Variants in HEG1 observed in about 807,000 individuals in gnomAD.
HEG1 encodes heart development protein with EGF like domains 1.
HEG1 carries 56 observed loss-of-function variants against 125.6 expected under a neutral mutation model. That is an observed-to-expected ratio of 0.45 (90% CI 0.36 to 0.56). The LOEUF is 0.56. Ranked by LOEUF, HEG1 falls within the 20% of genes least tolerant of loss-of-function variation. The probability of loss-of-function intolerance (pLI) is 0.00; values close to 1 mark genes in which losing one functional copy is unlikely to be tolerated. For missense variants in HEG1, 1,523 were observed against 1,670.0 expected (o/e 0.91, Z 1.53); for synonymous variants, 644 against 668.5 (o/e 0.96, Z 0.57).
intron 1 of HEG1, among the ~76,000 whole-genome samples, chr3:125,035,947 G>A (rs988879079): frequency 2.0e-5 from 3 of 152,038 alleles, no homozygotes; most frequent in African/African-American, 4.8e-5. Flanking sequence ...ATAGAGGCCT[G>A]GCATGGTGGC....
intron 3 of HEG1, among the ~76,000 whole-genome samples, chr3:125,021,387 C>A (rs187819115): frequency 6.6e-6 from 1 of 151,892 alleles, no homozygotes; most frequent in Non-Finnish European, 1.5e-5. Flanking sequence ...GAAGCTTATA[C>A]GTTGTTTGCA....
chr3:125,003,838 C>G (rs1425286008), intron 9 of HEG1, among the ~76,000 whole-genome samples: 1 of 152,252 alleles, frequency 6.6e-6, no homozygotes, highest in Non-Finnish European at 1.5e-5. Flanking sequence ...CCCGGACTCT[C>G]TGCCCCGTGC....
chr3:125,001,920 C>T lies in HEG1; in HGVS notation c.3449G>A (p.Cys1150Tyr), dbSNP rs775503377. 1 of 1,613,886 alleles carries T rather than the reference C, an allele frequency of 6.2e-7. No individual in the cohort carries two copies. Among genetic ancestry groups the T allele is most frequent in the South Asian group, 1.1e-5 (1 of 91,004 alleles). Residue 1150 changes from cysteine (C) to tyrosine (Y), a missense_variant, in exon 11 of 17, where the codon TGT becomes TAT. Coordinates refer to ENST00000311127, the MANE Select transcript of HEG1 (RefSeq NM_020733.2). ...AGCAGAGGACTTGCAGGAGTTGACACATTTCTGCATCCTATCAGCCAGGTC... is the reference window on the plus strand; with the variant it reads ...AGCAGAGGACTTGCAGGAGTTGACATATTTCTGCATCCTATCAGCCAGGTC... ...LFDLADRMQK[C>Y]VNSCKSSAEV...
intron 3 of HEG1, among the ~76,000 whole-genome samples, chr3:125,026,954 C>T (rs188628929): frequency 3.3e-5 from 5 of 152,220 alleles, no homozygotes; most frequent in South Asian, 4.2e-4. Context: ...GAGCTGAGAT[C>T]GCGTCACTGT....
Position 124,969,591 on chromosome 3 carries a change from C to T in HEG1, c.*1061G>A, listed in dbSNP as rs999345104. The T allele has an allele frequency of 1.3e-5, 2 of 152,224 alleles. No individual in the cohort carries two copies. Among genetic ancestry groups the T allele is most frequent in the African/African-American group, 2.4e-5 (1 of 41,446 alleles). 9.4% of individuals were successfully genotyped at this position (152,224 alleles called of 1,614,324 possible). A position where few individuals can be genotyped will look rare whatever the true frequency, so the allele number is the denominator to read the frequency against. Reference sequence around the variant, plus strand: ...AGCAAACTCATGTGTGGCTCCATCTCGGCTCCCTGTTCTTCCTCAGGAATC... The same window carrying T: ...AGCAAACTCATGTGTGGCTCCATCTTGGCTCCCTGTTCTTCCTCAGGAATC... On this transcript the variant is annotated 3_prime_UTR_variant, in exon 17 of 17. Transcript: ENST00000311127.
At position 124,966,636 on chromosome 3, in the gene HEG1, A is replaced by G. The variant is rs1184730376; in HGVS notation, c.*4016T>C. On this transcript the variant is annotated 3_prime_UTR_variant, in exon 17 of 17. Transcript: ENST00000311127. ...GGTAATTTCAAGTAAAATACAAAGT[A>G]TTGAAATACTGAACTTTGCATTCTT... The G allele has an allele frequency of 6.6e-6, 1 of 152,232 alleles. No homozygotes were observed. Among genetic ancestry groups the G allele is most frequent in the Non-Finnish European group, 1.5e-5 (1 of 68,034 alleles). The allele number at this position is 152,232 out of a possible 1,614,324, so 9.4% of individuals were successfully genotyped here. A position where few individuals can be genotyped will look rare whatever the true frequency, so the allele number is the denominator to read the frequency against.
Position 125,027,425 on chromosome 3 carries a change from G to A in HEG1, c.693C>T (p.Ala231=). Residue 231 remains alanine (A), a synonymous_variant, in exon 3 of 17, where the codon GCC becomes GCT. Transcript: ENST00000311127. ...IAAFQTKSGT[A]SEMGTERAMG... is the part of the protein sequence containing the mutation. ...TCGCCCTCTCTGTTCCCATCTCCGA[G>A]GCTGTTCCACTCTTTGTTTGAAAAG... The A allele has an allele frequency of 6.2e-7, 1 of 1,613,992 alleles. No homozygotes were observed. Among genetic ancestry groups the A allele is most frequent in the Non-Finnish European group, 8.5e-7 (1 of 1,179,884 alleles).
rs751775083 is a variant in HEG1, at chr3:124,970,771, G to A, written c.4027C>T (p.Arg1343Ter). 6.2e-6 allele frequency: 10 copies of A among 1,609,960 alleles called. No homozygotes were observed. Among genetic ancestry groups the A allele is most frequent in the Admixed American group, 1.7e-5 (1 of 59,482 alleles). Residue 1343 changes from arginine to a stop codon, truncating the protein, a stop_gained, in exon 17 of 17, where the codon CGA (arginine) becomes TGA (stop). Coordinates refer to ENST00000311127, the MANE Select transcript of HEG1 (RefSeq NM_020733.2). LOFTEE classifies it high-confidence loss of function. ...GTGTAGGCCGGGTAGAGTCCGTTTC[G>A]TTCAAGTTCTGGATTCCTTACACTT... Reference protein sequence around the residue: ...PTSVRNPELERNGLYPAYTGL... With the variant: ...PTSVRNPELE
chr3:125,025,942 A>ATT (rs1937408401), intron 3 of HEG1, among the ~76,000 whole-genome samples: 1 of 152,236 alleles, frequency 6.6e-6, no homozygotes, highest in South Asian at 2.1e-4. Flanking sequence ...GGCACTCCAG[A>ATT]AGGGACTCCT....
chr3:125,000,788 G>C (rs1362888667), intron 11 of HEG1, among the ~76,000 whole-genome samples: 4 of 152,160 alleles, frequency 2.6e-5, no homozygotes, highest in African/African-American at 9.7e-5. Context: ...TCTACCAGCA[G>C]ACTGTTACAA....
chr3:125,029,268 T>A lies in HEG1; in HGVS notation c.537A>T (p.Thr179=). The A allele has an allele frequency of 6.2e-7, 1 of 1,613,776 alleles. No homozygotes were observed. Among genetic ancestry groups the A allele is most frequent in the Middle Eastern group, 1.7e-4 (1 of 6,042 alleles). Residue 179 remains threonine, a synonymous_variant, in exon 2 of 17, where the codon ACA becomes ACT. Transcript: ENST00000311127. ...ACCCAACAGGCAAAATGGTGAAGTTTGTTCTACTTGAAGAGCCGCTCCTTC... is the reference window on the plus strand; with the variant it reads ...ACCCAACAGGCAAAATGGTGAAGTTAGTTCTACTTGAAGAGCCGCTCCTTC... The part of the protein sequence containing the change: ...ARGRSGSSSR[T]NFTILPVGYS...
intron 14 of HEG1, 144 bp from the exon 15 acceptor site, chr3:124,978,090 G>T: frequency 1.7e-6 from 1 of 590,038 alleles, no homozygotes; most frequent in Non-Finnish European, 3.0e-6. Context: ...TCTCTGGCAA[G>T]GGATCCTCAA....
At chr3:125,025,333 A>G (rs1937400687) in intron 3 of HEG1, among the ~76,000 whole-genome samples, 1 of 152,136 alleles carries the variant, frequency 6.6e-6, no homozygotes, top group East Asian at 1.9e-4. Flanking sequence ...CCTGGTGAGA[A>G]CCCCATTTAA....
At chr3:124,993,944 G>A (rs1936873901) in intron 12 of HEG1, among the ~76,000 whole-genome samples, 1 of 152,118 alleles carries the variant, frequency 6.6e-6, no homozygotes, top group Non-Finnish European at 1.5e-5. Context: ...ACTGTGCCGT[G>A]GCGCTGTTCT....
chr3:125,002,431 A>G (rs1485152697), intron 9 of HEG1, 116 bp from the exon 10 acceptor site: 2 of 875,408 alleles, frequency 2.3e-6, no homozygotes, highest in Non-Finnish European at 1.8e-6. Flanking sequence ...AGTTATCAGC[A>G]CGCGGCTTTG....
chr3:125,045,601 G>A (rs1231318751), intron 1 of HEG1, among the ~76,000 whole-genome samples: 3 of 152,166 alleles, frequency 2.0e-5, no homozygotes, highest in Non-Finnish European at 2.9e-5. Context: ...GGACAGAGAC[G>A]AACAACTGAA....
At chr3:125,052,814 G>A (rs938269155) in intron 1 of HEG1, among the ~76,000 whole-genome samples, 3 of 152,210 alleles carry the variant, frequency 2.0e-5, no homozygotes, top group Non-Finnish European at 4.4e-5. Context: ...GCTCTCCAGG[G>A]ACTTACAGTC....
chr3:124,971,264 C>T (rs1936418019), intron 16 of HEG1: 1 of 429,282 alleles, frequency 2.3e-6, no homozygotes, highest in African/African-American at 2.0e-5. Flanking sequence ...TGCAGGAGAG[C>T]CCAATGTGGG....
chr3:125,027,194 G>A lies in HEG1; in HGVS notation c.913+11C>T, dbSNP rs369475587. 5 of 1,575,290 alleles carry A rather than the reference G, an allele frequency of 3.2e-6. No homozygotes were observed. The highest frequency in any genetic ancestry group is 3.4e-6 in the Non-Finnish European group (4 of 1,161,316). ...GACTTCCGAGTGTTAAGCTGGGTAT[G>A]TGGCACTCACATGAGGAAAGGTCTA... is the stretch of plus-strand genomic sequence containing the variant. On this transcript the variant is annotated intron_variant, in intron 3 of 16. Transcript: ENST00000311127.
Sources: gnomAD v4.1 joint callset for allele counts (sites outside exome capture counted in the v4.1 genomes callset) on GRCh38, gnomAD v4.1.1 for gene constraint, MANE v1.5 for transcripts, NCBI Gene and HGNC (gene_info 2026-07-23, HGNC 2026-07-21) for gene names.